Variants in HPS5 observed in about 807,000 individuals in gnomAD.
HPS5 encodes the protein HPS5 biogenesis of lysosomal organelles complex 2 subunit 2.
In HPS5, 83 loss-of-function variants were observed where a neutral mutation model predicts 128.0. The ratio of observed to expected loss-of-function variants is 0.65; its 90% CI spans 0.54 to 0.78. The LOEUF (loss-of-function observed/expected upper bound fraction) is 0.78. HPS5 is among the 30% of genes least tolerant of loss of function. The pLI is 0.00. For missense variants in HPS5, 1,281 were observed against 1,326.2 expected, an observed-to-expected ratio of 0.97 and a Z score of 0.53; for synonymous variants, 475 against 470.2, an observed-to-expected ratio of 1.01 and a Z score of -0.13.
chr11:18,308,057 G>GA (rs2134449583), intron 6 of HPS5, among the ~76,000 whole-genome samples: 1 of 152,182 alleles, frequency 6.6e-6, no homozygotes, highest in East Asian at 1.9e-4. Flanking sequence ...CAGGCCCAGT[G>GA]AAAAAAAGAA....
intron 14 of HPS5, 114 bp from the exon 15 acceptor site, chr11:18,293,090 C>T (rs1426972207): frequency 1.5e-5 from 12 of 806,610 alleles, no homozygotes; most frequent in Non-Finnish European, 2.6e-5. Context: ...GACGTGATCT[C>T]GGTTCATTGC....
At chr11:18,318,113 C>T (rs1448409860) in intron 1 of HPS5, among the ~76,000 whole-genome samples, 3 of 152,132 alleles carry the variant, frequency 2.0e-5, no homozygotes, top group Non-Finnish European at 4.4e-5. Flanking sequence ...GTAGCAGGTA[C>T]GGATTCTCAG....
Position 18,291,925 on chromosome 11 carries a change from T to A in HPS5, c.1957A>T (p.Met653Leu), listed in dbSNP as rs1411175460. ...WLSHLEKTFA[M>L]KDFSGVSDTD... ...TCTGAAACACCTGAAAAGTCCTTCATGGCAAATGTTTTTTCTAAATGTGAA... is the reference window on the plus strand; with the variant it reads ...TCTGAAACACCTGAAAAGTCCTTCAAGGCAAATGTTTTTTCTAAATGTGAA... The change falls in exon 16 of 23, where the codon ATG (methionine) becomes TTG (leucine). Residue 653 changes from methionine to leucine, a missense_variant. Physicochemically the swap from Met to Leu is conservative, Grantham distance 15 (BLOSUM62 2). Transcript: ENST00000349215. 6.2e-7 allele frequency: 1 copy of A among 1,609,644 alleles called. No individual in the cohort carries two copies. Among genetic ancestry groups the A allele is most frequent in the Non-Finnish European group, 8.5e-7 (1 of 1,178,802 alleles).
chr11:18,306,139 G>C lies in HPS5; in HGVS notation c.820C>G (p.Leu274Val). The stretch of plus-strand genomic sequence containing the variant: ...ACCAGCCATACAAATCGTTACCTGA[G>C]AGTAATCACAGGGAGAGGTGGCAAC... ...LSLPPLPVIT[L>V]RSEPQYDHTA... Residue 274 changes from leucine (L) to valine (V), a missense_variant, in exon 7 of 23, where the codon CTC (leucine) becomes GTC (valine). By Grantham distance (32) the Leu-to-Val change is conservative. Coordinates refer to ENST00000349215, the MANE Select transcript of HPS5 (RefSeq NM_181507.2). The C allele has an allele frequency of 6.2e-7, 1 of 1,602,204 alleles. No homozygotes were observed. Among genetic ancestry groups the C allele is most frequent in the Non-Finnish European group, 8.6e-7 (1 of 1,169,142 alleles).
chr11:18,302,655 C>G (rs1861831037), intron 8 of HPS5, among the ~76,000 whole-genome samples: 1 of 151,794 alleles, frequency 6.6e-6, no homozygotes, highest in South Asian at 2.1e-4. Flanking sequence ...TGATTTTTAA[C>G]AGGAGTTGGG....
chr11:18,292,868 C>T (rs377245178), intron 15 of HPS5, 31 bp downstream of exon 15: 38 of 1,516,548 alleles, frequency 2.5e-5, no homozygotes, highest in Non-Finnish European at 3.0e-5. Flanking sequence ...TGCCTTGAGA[C>T]GTCACTATAA....
chr11:18,282,821 G>A (rs1326082088), intron 21 of HPS5, among the ~76,000 whole-genome samples: 1 of 152,150 alleles, frequency 6.6e-6, no homozygotes, highest in East Asian at 1.9e-4. Flanking sequence ...GCTCTATGAG[G>A]AAGTGACATT....
intron 16 of HPS5, among the ~76,000 whole-genome samples, chr11:18,290,063 A>G (rs1407482918): frequency 1.3e-5 from 2 of 152,200 alleles, no homozygotes; most frequent in Non-Finnish European, 2.9e-5. Context: ...CATCAATGGA[A>G]ATGTACACAG....
Position 18,306,278 on chromosome 11 carries a change from T to C in HPS5, c.681A>G (p.Arg227=). 6.2e-7 allele frequency: 1 copy of C among 1,614,166 alleles called. No individual in the cohort carries two copies. The highest frequency in any genetic ancestry group is 1.3e-5 in the African/African-American group (1 of 75,038). Residue 227 remains arginine (R), a synonymous_variant, in exon 7 of 23, where the codon AGA becomes AGG. Coordinates refer to ENST00000349215, the MANE Select transcript of HPS5 (RefSeq NM_181507.2). ...GEYGACFFPG[R]CSGGQQPLIY... The stretch of plus-strand genomic sequence containing the variant: ...TCAGAGGTTGCTGGCCCCCAGAACA[T>C]CTTCCAGGAAAGAAACAAGCTCCAT...
Position 18,295,152 on chromosome 11 carries a change from C to T in HPS5, c.1652G>A (p.Arg551His), listed in dbSNP as rs1037863397. Residue 551 changes from arginine (R) to histidine (H), a missense_variant, in exon 14 of 23, where the codon CGT (arginine) becomes CAT (histidine). Transcript: ENST00000349215. ...AVKESVSSFV[R>H]KTTEKIGTLH... ...GGTGCCAATCTTCTCAGTAGTTTTACGCACAAAGCTAGAAACACTAGAAGT... is the reference window on the plus strand; with the variant it reads ...GGTGCCAATCTTCTCAGTAGTTTTATGCACAAAGCTAGAAACACTAGAAGT... 36 of 1,613,878 alleles carry T rather than the reference C, an allele frequency of 2.2e-5. No homozygotes were observed. Among genetic ancestry groups the T allele is most frequent in the African/African-American group, 6.7e-5 (5 of 74,878 alleles).
rs770786579 is a variant in HPS5 at position 18,279,842 on chromosome 11, T to A, written c.*40A>T. On this transcript the variant is annotated 3_prime_UTR_variant, in exon 23 of 23. Transcript: ENST00000349215. ...GAAGGTTCAGGAGCATGATTTAGTT[T>A]TTCTCAAAATGTCATGACATCCTGC... is the stretch of plus-strand genomic sequence containing the variant. 1 of 1,589,588 alleles carries A rather than the reference T, an allele frequency of 6.3e-7. No individual in the cohort carries two copies. The highest frequency in any genetic ancestry group is 1.1e-5 in the South Asian group (1 of 90,522).
At chr11:18,305,954 G>C (rs867570547) in intron 7 of HPS5, among the ~76,000 whole-genome samples, 181 bp downstream of exon 7, 1 of 152,064 alleles carries the variant, frequency 6.6e-6, no homozygotes, top group Non-Finnish European at 1.5e-5. Flanking sequence ...GGATGGTCTC[G>C]ATCTCCTGAC....
Position 18,279,763 on chromosome 11 carries a change from A to G in HPS5, c.*119T>C, listed in dbSNP as rs1052111007. ...ACAGACACTGACAAAAGTAGCCCCAATAAGATGGCAGGATTTGGGGGTGGT... is the reference window on the plus strand; with the variant it reads ...ACAGACACTGACAAAAGTAGCCCCAGTAAGATGGCAGGATTTGGGGGTGGT... On this transcript the variant is annotated 3_prime_UTR_variant, in exon 23 of 23. Coordinates refer to ENST00000349215, the MANE Select transcript of HPS5 (RefSeq NM_181507.2). 6.8e-5 allele frequency: 65 copies of G among 954,818 alleles called. No homozygotes were observed. Among genetic ancestry groups the G allele is most frequent in the South Asian group, 1.8e-4 (13 of 72,768 alleles). 59.1% of individuals were successfully genotyped at this position (954,818 alleles called of 1,614,324 possible).
chr11:18,301,887 G>C (rs1397165288), intron 8 of HPS5, among the ~76,000 whole-genome samples: 2 of 152,074 alleles, frequency 1.3e-5, no homozygotes, highest in Non-Finnish European at 2.9e-5. Context: ...TGGATATGCA[G>C]GATAGTCTGG....
At chr11:18,319,070 G>C (rs1863986761) in intron 1 of HPS5, among the ~76,000 whole-genome samples, 1 of 151,170 alleles carries the variant, frequency 6.6e-6, no homozygotes, top group South Asian at 2.1e-4. Context: ...AACCCAGAAA[G>C]AAACTTTCAC....
At chr11:18,306,420 G>T in intron 6 of HPS5, 73 bp from the exon 7 acceptor site, 1 of 950,876 alleles carries the variant, frequency 1.1e-6, no homozygotes. Flanking sequence ...CTACAAATCA[G>T]CATGGGCATA....
intron 20 of HPS5, 83 bp from the exon 21 acceptor site, chr11:18,283,984 T>C (rs1411550379): frequency 4.1e-5 from 35 of 858,488 alleles, no homozygotes; most frequent in Non-Finnish European, 6.5e-5. Flanking sequence ...GTAGACACAG[T>C]CACATGTGGC....
rs11024606 is a variant in HPS5 at position 18,296,317 on chromosome 11, C to A, written c.1511-195G>T. On this transcript the variant is annotated intron_variant, in intron 12 of 22. Transcript: ENST00000349215. ...GGATGGTCCACATAAAACACCGAGG[C>A]AGGTACCTTCATTTGCCTACTAACC... The A allele has an allele frequency of 0.48, 284,406 of 596,658 alleles. 72,819 individuals are homozygous for A. Among genetic ancestry groups the A allele is most frequent in the East Asian group, 0.57 (19,350 of 34,010 alleles). 37.0% of individuals were successfully genotyped at this position (596,658 alleles called of 1,614,324 possible).
intron 10 of HPS5, 75 bp from the exon 11 acceptor site, chr11:18,297,792 G>C (rs1481194788): frequency 5.1e-5 from 73 of 1,431,438 alleles, no homozygotes; most frequent in Non-Finnish European, 3.5e-5. Context: ...TATTGAAAGA[G>C]GTCTAGGCCG....
Sources: gnomAD v4.1 joint callset for allele counts (sites outside exome capture counted in the v4.1 genomes callset) on GRCh38, gnomAD v4.1.1 for gene constraint, MANE v1.5 for transcripts, NCBI Gene and HGNC (gene_info 2026-07-23, HGNC 2026-07-21) for gene names.